The following GSKIP variants were observed in gnomAD, a reference collection of about 807,000 sequenced individuals.
The protein encoded by GSKIP is GSK3B-interacting protein.
Under a neutral mutation model 11.9 loss-of-function variants are expected in GSKIP, and 5 were observed. That is an observed-to-expected ratio of 0.42 (90% CI 0.22 to 0.89). The LOEUF (loss-of-function observed/expected upper bound fraction) is 0.89. GSKIP is among the 40% of genes least tolerant of loss of function. GSKIP has a pLI of 0.29. For missense variants in GSKIP, 150 were observed against 166.6 expected, an observed-to-expected ratio of 0.90 and a Z score of 0.55; for synonymous variants, 70 against 62.9, an observed-to-expected ratio of 1.11 and a Z score of -0.54.
intron 1 of GSKIP, among the ~76,000 whole-genome samples, chr14:96,366,137 C>T (rs1888876294): frequency 6.6e-6 from 1 of 151,874 alleles, no homozygotes; most frequent in South Asian, 2.1e-4. Context: ...CTAATATTTG[C>T]CATAAAAGGA....
chr14:96,364,963 A>T (rs1297916735), intron 1 of GSKIP: 1 of 152,108 alleles, frequency 6.6e-6, no homozygotes, highest in Admixed American at 6.5e-5. Context: ...ATGCCACTGC[A>T]CTCCAGCCTG....
chr14:96,375,680 C>T (rs1889180589), intron 1 of GSKIP, among the ~76,000 whole-genome samples: 1 of 152,218 alleles, frequency 6.6e-6, no homozygotes, highest in Admixed American at 6.5e-5. Context: ...GATCCACCCA[C>T]CTCATTCTCC....
rs539776158 is a variant in GSKIP, at chr14:96,366,743, AT to A, written c.-103+3179del. 1.9e-3 allele frequency among the ~76,000 whole-genome samples: 295 copies of A among 152,318 alleles called. 13 individuals are homozygous for A. The South Asian group carries it at 0.041, about 21-fold the overall frequency. ...ACCCTATTTCAAAAAATAATAATAAATTTTAAAAAAGAAAATAATTACCCAA... is the reference window on the plus strand; with the variant it reads ...ACCCTATTTCAAAAAATAATAATAAATTTAAAAAAGAAAATAATTACCCAA... On this transcript the variant is annotated intron_variant, in intron 1 of 3. Transcript: ENST00000555181.
At chr14:96,376,168 A>G (rs969204157) in intron 1 of GSKIP, among the ~76,000 whole-genome samples, 11 of 152,218 alleles carry the variant, frequency 7.2e-5, no homozygotes, top group African/African-American at 2.7e-4. Context: ...AACCCATATT[A>G]AATAAAAAGA....
chr14:96,366,749 A>G (rs1486838190), intron 1 of GSKIP, among the ~76,000 whole-genome samples: 4 of 151,662 alleles, frequency 2.6e-5, no homozygotes, highest in African/African-American at 9.6e-5. Context: ...ATAAATTTTA[A>G]AAAAGAAAAT....
At chr14:96,376,928 CAAT>C (rs80230002) in intron 1 of GSKIP, among the ~76,000 whole-genome samples, 23,747 of 152,072 alleles carry the variant, frequency 0.16, 2,287 homozygotes, top group Middle Eastern at 0.21. Flanking sequence ...CTATTTGAAA[CAAT>C]GATGATTGAT....
chr14:96,374,087 G>A (rs961303211), intron 1 of GSKIP, among the ~76,000 whole-genome samples: 1 of 152,028 alleles, frequency 6.6e-6, no homozygotes, highest in African/African-American at 2.4e-5. Context: ...ACTTATTATG[G>A]CTGTATTTTA....
intron 1 of GSKIP, among the ~76,000 whole-genome samples, chr14:96,375,195 A>G (rs1316305582): frequency 6.6e-6 from 1 of 152,174 alleles, no homozygotes; most frequent in Non-Finnish European, 1.5e-5. Flanking sequence ...AAGATATAAA[A>G]TAGAATCCTA....
chr14:96,380,460 GA>G (rs959832629), intron 2 of GSKIP, among the ~76,000 whole-genome samples: 1 of 152,244 alleles, frequency 6.6e-6, no homozygotes, highest in Admixed American at 6.5e-5. Context: ...CAGGAGCTCT[GA>G]AAAAAATAAC....
At chr14:96,380,743 T>G (rs1889322113) in intron 2 of GSKIP, among the ~76,000 whole-genome samples, 1 of 152,204 alleles carries the variant, frequency 6.6e-6, no homozygotes, top group Non-Finnish European at 1.5e-5. Flanking sequence ...GAGCCTGTAG[T>G]CTCAACTACT....
At chr14:96,375,520 G>A (rs574703857) in intron 1 of GSKIP, among the ~76,000 whole-genome samples, 6 of 149,318 alleles carry the variant, frequency 4.0e-5, no homozygotes, top group South Asian at 2.1e-4. Flanking sequence ...TGCAACCTCC[G>A]CCTCCCAGGT....
chr14:96,367,707 T>C (rs1276909147), intron 1 of GSKIP, among the ~76,000 whole-genome samples: 1 of 152,218 alleles, frequency 6.6e-6, no homozygotes, highest in Non-Finnish European at 1.5e-5. Context: ...TAATAACCAG[T>C]TGGATGAATC....
chr14:96,378,497 T>C (rs1332551960), intron 1 of GSKIP, among the ~76,000 whole-genome samples: 2 of 152,200 alleles, frequency 1.3e-5, no homozygotes, highest in African/African-American at 4.8e-5. Flanking sequence ...CTAGAAGGAA[T>C]ACAGACCTGC....
chr14:96,369,680 A>G (rs1035509494), intron 1 of GSKIP, among the ~76,000 whole-genome samples: 9 of 152,156 alleles, frequency 5.9e-5, no homozygotes, highest in African/African-American at 2.2e-4. Context: ...ACAGAATGCA[A>G]AAGTGGCAGA....
chr14:96,363,916 C>A (rs1192816488), intron 1 of GSKIP: 5 of 152,388 alleles, frequency 3.3e-5, no homozygotes, highest in Non-Finnish European at 7.3e-5. Context: ...TCGGCCCCCG[C>A]CTCATTCAGG....
At chr14:96,365,468 TGGGGGTG>T (rs1366092596) in intron 1 of GSKIP, among the ~76,000 whole-genome samples, 4 of 19,978 alleles carry the variant, frequency 2.0e-4, no homozygotes, top group African/African-American at 4.5e-4. Flanking sequence ...CTGGGCAGTT[TGGGGGTG>T]GGGGGTGGGG....
intron 3 of GSKIP, 147 bp from the exon 4 acceptor site, chr14:96,385,376 T>C (rs1295861685): frequency 1.0e-5 from 6 of 584,184 alleles, no homozygotes; most frequent in Non-Finnish European, 1.8e-5. Flanking sequence ...ATAGTTTCAC[T>C]CAGTTACCCA....
chr14:96,378,438 G>A (rs1889259549), intron 1 of GSKIP, among the ~76,000 whole-genome samples: 1 of 152,188 alleles, frequency 6.6e-6, no homozygotes, highest in South Asian at 2.1e-4. Flanking sequence ...AATTCAGATG[G>A]CCTCTAGAAG....
intron 1 of GSKIP, among the ~76,000 whole-genome samples, chr14:96,377,187 C>T (rs1343243250): frequency 6.6e-6 from 1 of 152,202 alleles, no homozygotes; most frequent in East Asian, 1.9e-4. Context: ...ATTTCTCCAT[C>T]ACAGTAGCCA....
Sources: allele counts gnomAD v4.1 joint callset (sites outside exome capture counted in the v4.1 genomes callset), GRCh38; gene constraint gnomAD v4.1.1; transcripts MANE v1.5; gene names NCBI Gene and HGNC (gene_info 2026-07-23, HGNC 2026-07-21).